The following POGLUT1 variants were observed in gnomAD, a reference collection of about 807,000 sequenced individuals.
POGLUT1 encodes 9630046K23Rik.
A neutral mutation model predicts 61.3 loss-of-function variants in POGLUT1; 32 were observed. That is an observed-to-expected ratio of 0.52 (90% CI 0.39 to 0.70). The LOEUF is 0.70. Among genes scored for constraint, POGLUT1 ranks in the 30% least tolerant of loss-of-function variants. The pLI, the probability that POGLUT1 is intolerant of heterozygous loss-of-function variation, is 0.00. For synonymous variants in POGLUT1, 158 were observed against 158.2 expected (o/e 1.00, Z 0.01); for missense variants, 411 against 469.8 (o/e 0.87, Z 1.16).
rs2081764822 is a variant in POGLUT1 at position 119,492,612 on chromosome 3, T to G, written c.*174T>G. On this transcript the variant is annotated 3_prime_UTR_variant, in exon 11 of 11. Transcript: ENST00000295588. Reference sequence around the variant, plus strand: ...ACTCTTGAGAAAGATTTAAAATGTGTCTAATACACTGATATGAAGCAGTTC... The same window carrying G: ...ACTCTTGAGAAAGATTTAAAATGTGGCTAATACACTGATATGAAGCAGTTC... 2.6e-6 allele frequency: 1 copy of G among 391,960 alleles called. No individual in the cohort carries two copies. Among genetic ancestry groups the G allele is most frequent in the African/African-American group, 2.1e-5 (1 of 48,424 alleles). The allele number at this position is 391,960 out of a possible 1,614,324, so 24.3% of individuals were successfully genotyped here. A position where few individuals can be genotyped will look rare whatever the true frequency, so the allele number is the denominator to read the frequency against.
chr3:119,482,960 G>A (rs2081622574), intron 5 of POGLUT1, among the ~76,000 whole-genome samples: 1 of 152,226 alleles, frequency 6.6e-6, no homozygotes, highest in Admixed American at 6.5e-5. Flanking sequence ...TCTTTTGAGG[G>A]AGGATGGGTA....
At position 119,469,851 on chromosome 3, in the gene POGLUT1, T is replaced by C; in HGVS notation, c.117T>C (p.Ile39=). Reference sequence around the variant, plus strand: ...AATGGAAAGTATTTATTGACCAAATTAACAGGTCTTTGGAGAATTACGAAC... The same window carrying C: ...AATGGAAAGTATTTATTGACCAAATCAACAGGTCTTTGGAGAATTACGAAC... ...GSKWKVFIDQ[I]NRSLENYEPC... Residue 39 remains isoleucine (I), a synonymous_variant, in exon 2 of 11, where the codon ATT becomes ATC. Transcript: ENST00000295588. The C allele has an allele frequency of 6.2e-7, 1 of 1,605,514 alleles. No homozygotes were observed. The highest frequency in any genetic ancestry group is 1.3e-5 in the African/African-American group (1 of 74,878).
At chr3:119,469,180 C>T in intron 1 of POGLUT1, 74 bp downstream of exon 1, 1 of 1,209,154 alleles carries the variant, frequency 8.3e-7, no homozygotes. Context: ...CTCCCCCGCG[C>T]GGCCGGCTCC....
In POGLUT1 at chr3:119,493,802, G is replaced by GTTTTTTTTTTTT. The variant is rs2081781752; in HGVS notation, c.*1364_*1365insTTTTTTTTTTTT. On this transcript the variant is annotated 3_prime_UTR_variant, in exon 11 of 11. Coordinates refer to ENST00000295588, the MANE Select transcript of POGLUT1 (RefSeq NM_152305.3). ...TGGAATAAGCAGATGTTTAAAGTTG[G>GTTTTTTTTTTTT]ATTTTTTTTTTTTTTTTTTTTTGAG... 1 of 101,566 alleles carries GTTTTTTTTTTTT rather than the reference G, an allele frequency of 9.8e-6. No homozygotes were observed. Among genetic ancestry groups the GTTTTTTTTTTTT allele is most frequent in the African/African-American group, 5.5e-5 (1 of 18,068 alleles). The allele number at this position is 101,566 out of a possible 1,614,324, so 6.3% of individuals were successfully genotyped here.
rs373810316 is a variant in POGLUT1 at position 119,474,102 on chromosome 3, G to C, written c.320+2650G>C. 4.6e-5 allele frequency among the ~76,000 whole-genome samples: 7 copies of C among 152,266 alleles called. No individual in the cohort carries two copies. The East Asian group carries it at 1.4e-3, about 29-fold the overall frequency. Reference sequence around the variant, plus strand: ...AGACAAGTCATTTCAAAGATGAGGAGTAATGGTATTTTTTAATAACAGCTT... The same window carrying C: ...AGACAAGTCATTTCAAAGATGAGGACTAATGGTATTTTTTAATAACAGCTT... On this transcript the variant is annotated intron_variant, in intron 3 of 10. Coordinates refer to ENST00000295588, the MANE Select transcript of POGLUT1 (RefSeq NM_152305.3).
intron 7 of POGLUT1, among the ~76,000 whole-genome samples, chr3:119,487,617 A>T (rs944516711): frequency 1.1e-4 from 17 of 152,284 alleles, no homozygotes; most frequent in Admixed American, 1.1e-3. Context: ...AAAATAATAA[A>T]AAATAAAAAC....
chr3:119,474,203 G>A (rs531486678), intron 3 of POGLUT1, among the ~76,000 whole-genome samples: 37 of 152,252 alleles, frequency 2.4e-4, no homozygotes, highest in African/African-American at 8.9e-4. Flanking sequence ...AATAGTATGT[G>A]AGGATATGTT....
At chr3:119,471,524 C>A in intron 3 of POGLUT1, 72 bp downstream of exon 3, 1 of 1,347,672 alleles carries the variant, frequency 7.4e-7, no homozygotes, top group Non-Finnish European at 1.1e-6. Context: ...TATAGAGGAG[C>A]CAATTCATGG....
intron 5 of POGLUT1, among the ~76,000 whole-genome samples, chr3:119,483,340 C>G (rs2081627999): frequency 6.6e-6 from 1 of 152,118 alleles, no homozygotes; most frequent in Non-Finnish European, 1.5e-5. Flanking sequence ...TGCAGTGAGT[C>G]TTTGCCAGAG....
intron 5 of POGLUT1, among the ~76,000 whole-genome samples, chr3:119,482,148 G>A (rs1356707220): frequency 1.3e-5 from 2 of 152,096 alleles, no homozygotes; most frequent in Non-Finnish European, 2.9e-5. Context: ...CCCCTCCTCA[G>A]GTACTTGCAA....
At chr3:119,484,720 A>C (rs2081645735) in intron 5 of POGLUT1, among the ~76,000 whole-genome samples, 1 of 152,204 alleles carries the variant, frequency 6.6e-6, no homozygotes, top group South Asian at 2.1e-4. Flanking sequence ...GAGGAAATCC[A>C]CATTTGCCAA....
At chr3:119,469,702 AG>A in intron 1 of POGLUT1, 117 bp from the exon 2 acceptor site, 4 of 629,888 alleles carry the variant, frequency 6.4e-6, no homozygotes, top group Middle Eastern at 4.2e-4. Context: ...CGTTTCCATC[AG>A]TGGGATGGGA....
At chr3:119,484,780 C>T (rs1323801136) in intron 5 of POGLUT1, among the ~76,000 whole-genome samples, 3 of 152,098 alleles carry the variant, frequency 2.0e-5, no homozygotes, top group Non-Finnish European at 2.9e-5. Flanking sequence ...GCTTTTCTTT[C>T]AATGTTGTTA....
intron 7 of POGLUT1, 121 bp downstream of exon 7, chr3:119,487,053 T>C: frequency 2.8e-6 from 2 of 721,932 alleles, no homozygotes; most frequent in South Asian, 3.1e-5. Flanking sequence ...GTAAAGAAAG[T>C]TCCATGAACC....
intron 7 of POGLUT1, chr3:119,487,139 C>G (rs113984575): frequency 1.8e-6 from 1 of 563,018 alleles, no homozygotes; most frequent in African/African-American, 1.9e-5. Context: ...TAGTATATTG[C>G]ACTACTTTGA....
At chr3:119,475,470 C>G (rs2081524145) in intron 3 of POGLUT1, among the ~76,000 whole-genome samples, 1 of 152,166 alleles carries the variant, frequency 6.6e-6, no homozygotes. Flanking sequence ...TATATGTAGG[C>G]TAAATTCCTA....
chr3:119,487,561 TG>T (rs1185300020), intron 7 of POGLUT1, among the ~76,000 whole-genome samples: 1 of 152,128 alleles, frequency 6.6e-6, no homozygotes, highest in Non-Finnish European at 1.5e-5. Flanking sequence ...CACTCCAGCC[TG>T]GCGACAGAGC....
chr3:119,469,699 A>G, intron 1 of POGLUT1, 121 bp from the exon 2 acceptor site: 1 of 628,392 alleles, frequency 1.6e-6, no homozygotes, highest in East Asian at 2.7e-5. Flanking sequence ...TTTCGTTTCC[A>G]TCAGTGGGAT....
chr3:119,476,852 A>G (rs2081543182), intron 3 of POGLUT1, among the ~76,000 whole-genome samples: 1 of 152,256 alleles, frequency 6.6e-6, no homozygotes, highest in African/African-American at 2.4e-5. Flanking sequence ...ATCTGTTCTC[A>G]TAAACTAGGA....
Sources: gnomAD v4.1 joint callset for allele counts (sites outside exome capture counted in the v4.1 genomes callset) on GRCh38, gnomAD v4.1.1 for gene constraint, MANE v1.5 for transcripts, NCBI Gene and HGNC (gene_info 2026-07-23, HGNC 2026-07-21) for gene names.